The following PHF14 variants were observed in gnomAD, a reference collection of about 807,000 sequenced individuals.
PHF14 encodes PHD finger protein 14.
PHF14 carries 55 observed loss-of-function variants against 117.9 expected under a neutral mutation model. The observed-to-expected ratio is 0.47, with a 90% CI of 0.38 to 0.58. The LOEUF (loss-of-function observed/expected upper bound fraction) is 0.58. Among genes scored for constraint, PHF14 ranks in the 20% least tolerant of loss-of-function variants. The probability of loss-of-function intolerance (pLI) is 0.00; values close to 1 mark genes in which losing one functional copy is unlikely to be tolerated. For missense variants in PHF14, 978 were observed against 1,122.2 expected (o/e 0.87, Z 1.84); for synonymous variants, 409 against 368.6 (o/e 1.11, Z -1.26).
At chr7:11,038,432 A>G (rs1203565349) in intron 10 of PHF14, among the ~76,000 whole-genome samples, 3 of 139,692 alleles carry the variant, frequency 2.1e-5, no homozygotes, top group Non-Finnish European at 3.0e-5. Context: ...CTCCATCTCA[A>G]AAAAAAAAAA....
chr7:11,049,038 A>G (rs978274067), intron 13 of PHF14, among the ~76,000 whole-genome samples: 2 of 152,232 alleles, frequency 1.3e-5, no homozygotes, highest in African/African-American at 4.8e-5. Context: ...TGCTACCAAA[A>G]GAGAAGCGAA....
chr7:11,056,831 A>C (rs908917543), intron 14 of PHF14, among the ~76,000 whole-genome samples: 1 of 149,214 alleles, frequency 6.7e-6, no homozygotes, highest in South Asian at 2.1e-4. Context: ...ATATTTTTAT[A>C]TATTAGAATA....
intron 16 of PHF14, among the ~76,000 whole-genome samples, chr7:11,100,049 A>G (rs543990730): frequency 6.6e-6 from 1 of 152,104 alleles, no homozygotes; most frequent in South Asian, 2.1e-4. Context: ...GTATGATCCA[A>G]CTTCTAGTTG....
chr7:11,088,276 A>T (rs1786496368), intron 16 of PHF14, among the ~76,000 whole-genome samples: 1 of 151,894 alleles, frequency 6.6e-6, no homozygotes, highest in African/African-American at 2.4e-5. Context: ...GCTATTTTTT[A>T]TTGGGTTTAT....
chr7:11,011,849 A>G (rs965954917), intron 4 of PHF14, among the ~76,000 whole-genome samples: 2 of 152,336 alleles, frequency 1.3e-5, no homozygotes, highest in East Asian at 3.9e-4. Context: ...TATCATCAGT[A>G]GAGAAGTGTA....
chr7:11,165,388 G>T (rs1173518466), intron 17 of PHF14, among the ~76,000 whole-genome samples: 1 of 152,082 alleles, frequency 6.6e-6, no homozygotes, highest in Non-Finnish European at 1.5e-5. Context: ...TATTATTGGT[G>T]ATATTAACCT....
At chr7:11,023,514 C>A (rs767221796) in intron 6 of PHF14, among the ~76,000 whole-genome samples, 1 of 152,110 alleles carries the variant, frequency 6.6e-6, no homozygotes, top group Non-Finnish European at 1.5e-5. Flanking sequence ...CCTCTCTGTT[C>A]GCTGAGACAC....
chr7:11,095,720 T>G (rs1305861098), intron 16 of PHF14, among the ~76,000 whole-genome samples: 1 of 152,200 alleles, frequency 6.6e-6, no homozygotes, highest in African/African-American at 2.4e-5. Flanking sequence ...CTATTTTCTG[T>G]GTTTCAAATG....
intron 16 of PHF14, among the ~76,000 whole-genome samples, chr7:11,098,971 A>C (rs1021438411): frequency 1.3e-5 from 2 of 152,206 alleles, no homozygotes; most frequent in Non-Finnish European, 2.9e-5. Flanking sequence ...TTAGAAAATT[A>C]AGTAAATTTT....
chr7:11,076,095 T>C (rs1209471172), intron 16 of PHF14, among the ~76,000 whole-genome samples: 1 of 152,170 alleles, frequency 6.6e-6, no homozygotes, highest in Admixed American at 6.5e-5. Context: ...GCCAAGATCG[T>C]GCCGCTGCAC....
At chr7:11,048,209 A>G (rs1051050765) in intron 13 of PHF14, among the ~76,000 whole-genome samples, 1 of 152,198 alleles carries the variant, frequency 6.6e-6, no homozygotes, top group Non-Finnish European at 1.5e-5. Context: ...ATAGCAGTTT[A>G]GTGGATTATT....
chr7:11,025,414 A>C (rs1783872650), intron 6 of PHF14, among the ~76,000 whole-genome samples: 1 of 152,248 alleles, frequency 6.6e-6, no homozygotes, highest in African/African-American at 2.4e-5. Flanking sequence ...CATGGGTAAA[A>C]TGCTGTCAAA....
At chr7:11,155,071 G>C (rs1788803750) in intron 17 of PHF14, among the ~76,000 whole-genome samples, 1 of 152,126 alleles carries the variant, frequency 6.6e-6, no homozygotes, top group Non-Finnish European at 1.5e-5. Context: ...CTGTCGTAAA[G>C]TTAAGCCTAG....
chr7:11,108,770 A>G (rs890679739), intron 16 of PHF14: 3 of 151,790 alleles, frequency 2.0e-5, no homozygotes, highest in Non-Finnish European at 4.4e-5. Context: ...TTCTTGGTTT[A>G]TTAGCTGGAA....
At chr7:11,029,786 GTTTA>G (rs1428124668) in intron 7 of PHF14, among the ~76,000 whole-genome samples, 2 of 152,054 alleles carry the variant, frequency 1.3e-5, no homozygotes, top group East Asian at 1.9e-4. Flanking sequence ...AGTAATGAAT[GTTTA>G]TTTAGTAATT....
intron 7 of PHF14, among the ~76,000 whole-genome samples, chr7:11,033,050 A>G (rs1784175403): frequency 6.6e-6 from 1 of 152,234 alleles, no homozygotes; most frequent in Non-Finnish European, 1.5e-5. Context: ...GATAGTATAT[A>G]CAAAAGCGCA....
chr7:11,035,660 T>C lies in PHF14; in HGVS notation c.1476T>C (p.Phe492=). 6.2e-7 allele frequency: 1 copy of C among 1,610,226 alleles called. No individual in the cohort carries two copies. Among genetic ancestry groups the C allele is most frequent in the Admixed American group, 1.7e-5 (1 of 59,874 alleles). ...AAEEDIADPF[F]AYCKQHADRL... is the part of the protein sequence containing the mutation. ...TATAGGATATAGCAGATCCATTCTT[T>C]GCTTATTGTAAGCAACATGCAGATA... The change falls in exon 8 of 18, where the codon TTT becomes TTC. Residue 492 remains phenylalanine (F), a synonymous_variant. Coordinates refer to ENST00000634607, the MANE Select transcript of PHF14 (RefSeq NM_001007157.2).
chr7:11,022,726 T>A, intron 5 of PHF14, 142 bp from the exon 6 acceptor site: 1 of 472,290 alleles, frequency 2.1e-6, no homozygotes, highest in Non-Finnish European at 3.8e-6. Flanking sequence ...TTTAATGATG[T>A]GCCTGAGATT....
intron 7 of PHF14, among the ~76,000 whole-genome samples, chr7:11,033,124 A>G: frequency 6.6e-6 from 1 of 152,252 alleles, no homozygotes; most frequent in East Asian, 1.9e-4. Context: ...CACTGGGAGT[A>G]GGATCTTGAA....
Sources: allele counts gnomAD v4.1 joint callset (sites outside exome capture counted in the v4.1 genomes callset), GRCh38; gene constraint gnomAD v4.1.1; transcripts MANE v1.5; gene names NCBI Gene and HGNC (gene_info 2026-07-23, HGNC 2026-07-21).